Variants in SEC11A observed in about 807,000 individuals in gnomAD.
SEC11A encodes the protein signal peptidase complex catalytic subunit SEC11A.
In SEC11A, 14 loss-of-function variants were observed where a neutral mutation model predicts 25.6. The ratio of observed to expected loss-of-function variants is 0.55; its 90% CI spans 0.36 to 0.85. The LOEUF (loss-of-function observed/expected upper bound fraction) is 0.85, where lower values mean the gene tolerates loss of function less well. SEC11A is among the 40% of genes least tolerant of loss of function. The pLI is 0.01. For missense variants in SEC11A, 153 were observed against 222.9 expected (o/e 0.69, Z 2.00); for synonymous variants, 83 against 76.4 (o/e 1.09, Z -0.45).
At chr15:84,685,097 CA>C (rs2141885574) in intron 3 of SEC11A, among the ~76,000 whole-genome samples, 1 of 152,220 alleles carries the variant, frequency 6.6e-6, no homozygotes, top group East Asian at 1.9e-4. Context: ...AATAAATCAC[CA>C]AAAACCCCAG....
chr15:84,712,972 C>T (rs987492044), intron 1 of SEC11A, among the ~76,000 whole-genome samples: 3 of 151,766 alleles, frequency 2.0e-5, no homozygotes. Context: ...TTTGGAAGGC[C>T]GAGGCAGGCG....
chr15:84,691,845 ATT>A (rs1367414378), intron 1 of SEC11A: 11 of 401,890 alleles, frequency 2.7e-5, no homozygotes, highest in Non-Finnish European at 4.4e-5. Flanking sequence ...ACCCTGCTCC[ATT>A]TTGTTTGGTA....
chr15:84,716,069 A>G lies in SEC11A; in HGVS notation c.7T>C (p.Ser3Pro). ML[S>P]LDFLDDVRRM... ...CGCACATCGTCCAAAAAGTCTAGAG[A>G]CAGCATGGCGGGGACGGCGAGCAGG... The change falls in exon 1 of 6, where the codon TCT (serine) becomes CCT (proline). Residue 3 changes from serine (S) to proline (P), a missense_variant. Coordinates refer to ENST00000268220, the MANE Select transcript of SEC11A (RefSeq NM_014300.4). 6 of 1,613,778 alleles carry G rather than the reference A, an allele frequency of 3.7e-6. No individual in the cohort carries two copies. The highest frequency in any genetic ancestry group is 5.1e-6 in the Non-Finnish European group (6 of 1,179,786).
rs1896928544 is a variant in SEC11A, at chr15:84,669,650, C to T, written c.*369G>A. On this transcript the variant is annotated 3_prime_UTR_variant, in exon 6 of 6. Transcript: ENST00000268220. ...GAGGTATGACGGTTTCAAACTCGTG[C>T]AGAGCTGCATTTTCATTTACAAGTC... 4.3e-6 allele frequency: 1 copy of T among 232,560 alleles called. No homozygotes were observed. Among genetic ancestry groups the T allele is most frequent in the African/African-American group, 2.3e-5 (1 of 44,224 alleles). 14.4% of individuals were successfully genotyped at this position (232,560 alleles called of 1,614,324 possible).
At chr15:84,686,968 G>A (rs111905148) in intron 3 of SEC11A, 9,473 of 152,394 alleles carry the variant, frequency 0.062, 378 homozygotes, top group African/African-American at 0.088. Context: ...CACCTCCCAG[G>A]TTCATGCAAT....
Position 84,669,822 on chromosome 15 carries a change from C to T in SEC11A, c.*197G>A. The T allele has an allele frequency of 1.4e-6, 1 of 734,996 alleles. No homozygotes were observed. The allele number at this position is 734,996 out of a possible 1,614,324, so 45.5% of individuals were successfully genotyped here. On this transcript the variant is annotated 3_prime_UTR_variant, in exon 6 of 6. Transcript: ENST00000268220. The stretch of plus-strand genomic sequence containing the variant: ...TTATGAAATCCTGTGACTGAAAGTC[C>T]CCTCGAGTGCACTCTGTGGTGCACA...
At chr15:84,693,148 C>T (rs1431447034) in intron 1 of SEC11A, among the ~76,000 whole-genome samples, 1 of 152,064 alleles carries the variant, frequency 6.6e-6, no homozygotes, top group Non-Finnish European at 1.5e-5. Context: ...TGCTTGTGGA[C>T]ATTCTACACA....
intron 5 of SEC11A, 182 bp from the exon 6 acceptor site, chr15:84,670,251 T>A (rs897079032): frequency 3.3e-5 from 16 of 487,136 alleles, no homozygotes; most frequent in Non-Finnish European, 3.4e-5. Context: ...TTTCTTTAAA[T>A]AATTTTCTTT....
intron 1 of SEC11A, among the ~76,000 whole-genome samples, chr15:84,711,891 G>C (rs547164916): frequency 1.3e-5 from 2 of 151,884 alleles, no homozygotes; most frequent in Non-Finnish European, 2.9e-5. Context: ...TAATATTCTA[G>C]GGTGGTACCC....
chr15:84,670,011 C>A lies in SEC11A; in HGVS notation c.*8G>T. On this transcript the variant is annotated 3_prime_UTR_variant, in exon 6 of 6. Transcript: ENST00000268220. ...TGGCATCTTCCCAGGAACAGCAAGG[C>A]AGGCTTCTTACTCACGATGAACCAG... The A allele has an allele frequency of 6.2e-7, 1 of 1,613,584 alleles. No homozygotes were observed. Among genetic ancestry groups the A allele is most frequent in the Non-Finnish European group, 8.5e-7 (1 of 1,179,686 alleles).
intron 1 of SEC11A, among the ~76,000 whole-genome samples, chr15:84,693,949 T>C (rs561817616): frequency 6.6e-6 from 1 of 152,172 alleles, no homozygotes; most frequent in Non-Finnish European, 1.5e-5. Context: ...TAAGTATACA[T>C]AGAACAAATA....
intron 3 of SEC11A, among the ~76,000 whole-genome samples, chr15:84,687,383 T>G (rs951980205): frequency 1.3e-5 from 2 of 152,190 alleles, no homozygotes; most frequent in African/African-American, 4.8e-5. Flanking sequence ...CACTGACAGG[T>G]TGGGAAGTAA....
intron 2 of SEC11A, among the ~76,000 whole-genome samples, chr15:84,689,278 G>A (rs1298658292): frequency 6.6e-6 from 1 of 152,002 alleles, no homozygotes; most frequent in East Asian, 1.9e-4. Context: ...AATAGAAAGG[G>A]AAGAAACTTT....
chr15:84,714,307 C>T (rs1273346644), intron 1 of SEC11A, among the ~76,000 whole-genome samples: 1 of 152,210 alleles, frequency 6.6e-6, no homozygotes, highest in East Asian at 1.9e-4. Context: ...AGCCACCGCA[C>T]CCAGTCTACC....
intron 4 of SEC11A, chr15:84,671,416 T>C (rs1896979318): frequency 6.6e-6 from 1 of 152,170 alleles, no homozygotes. Context: ...AATTCCTCCT[T>C]CTTGGTTTCT....
At chr15:84,700,516 C>T (rs1897898025) in intron 1 of SEC11A, among the ~76,000 whole-genome samples, 1 of 135,350 alleles carries the variant, frequency 7.4e-6, no homozygotes, top group Non-Finnish European at 1.5e-5. Flanking sequence ...ATTGCTTGAA[C>T]CCAGGAGGTG....
intron 3 of SEC11A, among the ~76,000 whole-genome samples, chr15:84,681,832 T>TAAGAGGCC (rs1897289855): frequency 6.6e-6 from 1 of 152,082 alleles, no homozygotes; most frequent in Admixed American, 6.6e-5. Flanking sequence ...CCTAGCATTT[T>TAAGAGGCC]AAGAGGCCAA....
intron 1 of SEC11A, among the ~76,000 whole-genome samples, chr15:84,713,898 C>T (rs973731589): frequency 6.6e-6 from 1 of 152,136 alleles, no homozygotes; most frequent in South Asian, 2.1e-4. Flanking sequence ...TCGTAATGCC[C>T]TGACTGGAAC....
rs1428855394 is a variant in SEC11A at position 84,689,040 on chromosome 15, A to AG, written c.162-1267_162-1266insC. ...GTGAGACTCTGTCTCAAAAAAAAAA[A>AG]AAAAAGAAGAAGAAGAAAAGAAAAA... On this transcript the variant is annotated intron_variant, in intron 2 of 5. Coordinates refer to ENST00000268220, the MANE Select transcript of SEC11A (RefSeq NM_014300.4). Among the ~76,000 whole-genome samples, 17 of 151,842 alleles carry AG rather than the reference A, an allele frequency of 1.1e-4. No individual in the cohort carries two copies. In the East Asian group the frequency reaches 3.3e-3, roughly 29 times the overall value.
Sources: allele counts gnomAD v4.1 joint callset (sites outside exome capture counted in the v4.1 genomes callset), GRCh38; gene constraint gnomAD v4.1.1; transcripts MANE v1.5; gene names NCBI Gene and HGNC (gene_info 2026-07-23, HGNC 2026-07-21).